Variants in TTC23L observed in about 807,000 individuals in gnomAD.
TTC23L encodes the protein tetratricopeptide repeat domain 23 like.
In TTC23L, 42 loss-of-function variants were observed where a neutral mutation model predicts 48.1. The ratio of observed to expected loss-of-function variants is 0.87; its 90% confidence interval spans 0.68 to 1.13. TTC23L has a LOEUF of 1.13. Ranked by LOEUF, TTC23L falls within the 50% of genes most tolerant of loss-of-function variation. The pLI is 0.00. For synonymous variants in TTC23L, 159 were observed against 157.2 expected, an observed-to-expected ratio of 1.01 and a Z score of -0.09; for missense variants, 391 against 421.0, an observed-to-expected ratio of 0.93 and a Z score of 0.62.
At chr5:34,857,644 G>GTAA (rs968025054) in intron 4 of TTC23L, among the ~76,000 whole-genome samples, 35 of 152,008 alleles carry the variant, frequency 2.3e-4, no homozygotes, top group African/African-American at 7.5e-4. Flanking sequence ...ATGGACCTTG[G>GTAA]TAATAATAAT....
At chr5:34,908,926 G>T in the TTC23L span, 1 of 1,607,056 alleles carries the variant, frequency 6.2e-7, no homozygotes, top group East Asian at 2.2e-5. Context: ...TTTGTAGAGG[G>T]TTTCAGTAAG....
chr5:34,919,680 C>T, the TTC23L span, among the ~76,000 whole-genome samples: 180 of 152,142 alleles, frequency 1.2e-3, no homozygotes, highest in African/African-American at 4.2e-3. Context: ...GATTTTTGAG[C>T]GATTGTTTCC....
chr5:34,907,511 G>C, the TTC23L span: 1 of 152,172 alleles, frequency 6.6e-6, no homozygotes. Context: ...TAGACAGGAA[G>C]ATAATTTTTG....
rs547518135 is a variant in TTC23L at position 34,881,091 on chromosome 5, C to T, written c.1077+783C>T. On this transcript the variant is annotated intron_variant, in intron 9 of 10. Coordinates refer to ENST00000505624, the Ensembl canonical transcript of TTC23L. ...ATAAAACTAGGAATAATACACAGGG[C>T]TTAGGTGGCTTGGAATATTAGTAAA... 2.0e-4 allele frequency among the ~76,000 whole-genome samples: 31 copies of T among 152,250 alleles called. No individual in the cohort carries two copies. In the South Asian group the frequency reaches 3.3e-3, roughly 16 times the overall value.
chr5:34,843,627 T>C (rs1758874124), intron 2 of TTC23L, among the ~76,000 whole-genome samples: 1 of 152,208 alleles, frequency 6.6e-6, no homozygotes, highest in South Asian at 2.1e-4. Context: ...GTCTGTGAAA[T>C]ATGCAGCTTA....
At chr5:34,883,168 G>T (rs1000682817) in intron 9 of TTC23L, 5 of 153,788 alleles carry the variant, frequency 3.3e-5, no homozygotes, top group African/African-American at 9.6e-5. Flanking sequence ...TATAAGAAAG[G>T]TGATACTGTG....
At chr5:34,911,870 C>T in the TTC23L span, 3 of 1,553,132 alleles carry the variant, frequency 1.9e-6, no homozygotes, top group Non-Finnish European at 1.7e-6. Context: ...TTCAGCTTCT[C>T]CTCGAAATGA....
chr5:34,888,169 A>G, intron 9 of TTC23L, among the ~76,000 whole-genome samples: 1 of 152,096 alleles, frequency 6.6e-6, no homozygotes, highest in East Asian at 1.9e-4. Flanking sequence ...ATGGCTGTCA[A>G]TGAATCAGGA....
At chr5:34,840,013 T>G (rs571914149) in intron 1 of TTC23L, among the ~76,000 whole-genome samples, 52 of 152,312 alleles carry the variant, frequency 3.4e-4, no homozygotes, top group Non-Finnish European at 6.3e-4. Flanking sequence ...TGCCTCAGCC[T>G]CCCGAGTAGC....
chr5:34,876,986 TA>T (rs1034550814), intron 8 of TTC23L, among the ~76,000 whole-genome samples: 12 of 149,830 alleles, frequency 8.0e-5, no homozygotes, highest in Admixed American at 2.7e-4. Flanking sequence ...TAAAGTATAA[TA>T]AAAAAAAATT....
chr5:34,896,703 G>T, intron 9 of TTC23L, 67 bp from the exon 10 acceptor site: 1 of 748,622 alleles, frequency 1.3e-6, no homozygotes, highest in Admixed American at 1.9e-5. Flanking sequence ...GCAATGAAAG[G>T]AGAGACAATC....
chr5:34,923,354 A>C, the TTC23L span: 1 of 729,670 alleles, frequency 1.4e-6, no homozygotes, highest in Non-Finnish European at 2.3e-6. Flanking sequence ...ATCTTGGCTC[A>C]CTGCAACCTC....
At chr5:34,853,347 A>G (rs1342072359) in intron 4 of TTC23L, among the ~76,000 whole-genome samples, 1 of 152,138 alleles carries the variant, frequency 6.6e-6, no homozygotes, top group East Asian at 1.9e-4. Flanking sequence ...CTTGGTCAAC[A>G]TGGTGAAACC....
At chr5:34,896,525 C>T (rs1435198880) in intron 9 of TTC23L, among the ~76,000 whole-genome samples, 1 of 152,164 alleles carries the variant, frequency 6.6e-6, no homozygotes, top group Non-Finnish European at 1.5e-5. Context: ...ATTCCTTTAA[C>T]AAACATTTTT....
At position 34,880,166 on chromosome 5, in the gene TTC23L, T is replaced by A. The variant is rs970965915; in HGVS notation, c.950-15T>A. 4 of 1,600,542 alleles carry A rather than the reference T, an allele frequency of 2.5e-6. No homozygotes were observed. In the African/African-American group the frequency reaches 4.1e-5, roughly 16 times the overall value. On this transcript the variant is annotated splice_polypyrimidine_tract_variant and intron_variant, in intron 8 of 10. Transcript: ENST00000505624. ...GTTAGCAGCTTGCCTTAAATAATTG[T>A]TTCAATTTTTCCAGATGCTGTTGAG...
At chr5:34,905,546 C>T in the TTC23L span, 6 of 151,078 alleles carry the variant, frequency 4.0e-5, no homozygotes, top group East Asian at 3.9e-4. Flanking sequence ...CATCAATTCT[C>T]GGTGGAAGCA....
intron 9 of TTC23L, among the ~76,000 whole-genome samples, chr5:34,895,087 A>G (rs932761814): frequency 6.6e-6 from 1 of 152,196 alleles, no homozygotes; most frequent in African/African-American, 2.4e-5. Flanking sequence ...ACCTGATTAA[A>G]TACCTCCCAT....
At position 34,864,423 on chromosome 5, in the gene TTC23L, C is replaced by G. The variant is rs547558956; in HGVS notation, c.537-14C>G. The G allele has an allele frequency of 6.2e-7, 1 of 1,612,998 alleles. No individual in the cohort carries two copies. The highest frequency in any genetic ancestry group is 1.7e-5 in the Admixed American group (1 of 59,914). ...GTTAGTTTGAGTGCTTGCCATTTTC[C>G]TTGACTATTTCACTGGCAGAGAAGC... On this transcript the variant is annotated splice_polypyrimidine_tract_variant and intron_variant, in intron 5 of 10. Transcript: ENST00000505624.
chr5:34,846,980 TA>T (rs1462268866), intron 3 of TTC23L, among the ~76,000 whole-genome samples: 2 of 151,962 alleles, frequency 1.3e-5, no homozygotes, highest in Non-Finnish European at 2.9e-5. Flanking sequence ...TAAGCATGAG[TA>T]TTCAAAATCC....
Sources: gnomAD v4.1 joint callset for allele counts (sites outside exome capture counted in the v4.1 genomes callset) on GRCh38, gnomAD v4.1.1 for gene constraint, MANE v1.5 for transcripts, NCBI Gene and HGNC (gene_info 2026-07-23, HGNC 2026-07-21) for gene names.